The following MYO5B variants were observed in gnomAD, a reference collection of about 807,000 sequenced individuals.
MYO5B encodes the protein myosin VB, also known as unconventional myosin-Vb.
MYO5B carries 143 observed loss-of-function variants against 229.3 expected under a neutral mutation model. The ratio of observed to expected loss-of-function variants is 0.62; its 90% confidence interval spans 0.54 to 0.72. MYO5B has a LOEUF of 0.72. Ranked by LOEUF, MYO5B falls within the 30% of genes least tolerant of loss-of-function variation. The pLI is 0.00. For synonymous variants in MYO5B, 918 were observed against 885.2 expected (o/e 1.04, Z -0.66); for missense variants, 2,321 against 2,331.0 (o/e 1.00, Z 0.09).
At chr18:50,090,922 G>A (rs2031434085) in intron 1 of MYO5B, among the ~76,000 whole-genome samples, 1 of 152,194 alleles carries the variant, frequency 6.6e-6, no homozygotes, top group Admixed American at 6.5e-5. Flanking sequence ...TTTTTCAGCA[G>A]AAACAATTCT....
chr18:50,186,172 G>A (rs6507969), intron 1 of MYO5B, among the ~76,000 whole-genome samples: 76,342 of 152,072 alleles, frequency 0.5, 19,332 homozygotes, highest in Admixed American at 0.59. Context: ...AGTACTGCAC[G>A]CTTCCAGCTC....
At chr18:49,918,308 G>C (rs1167693680) in intron 17 of MYO5B, among the ~76,000 whole-genome samples, 3 of 152,218 alleles carry the variant, frequency 2.0e-5, no homozygotes, top group African/African-American at 7.2e-5. Flanking sequence ...TCCTCATGAG[G>C]GGACTGGCTG....
intron 18 of MYO5B, among the ~76,000 whole-genome samples, chr18:49,908,725 C>G (rs550230099): frequency 6.6e-6 from 1 of 152,258 alleles, no homozygotes; most frequent in South Asian, 2.1e-4. Context: ...TTATGGCCAT[C>G]GTTACATTAG....
At chr18:50,162,137 A>C (rs1276526897) in intron 1 of MYO5B, among the ~76,000 whole-genome samples, 1 of 152,262 alleles carries the variant, frequency 6.6e-6, no homozygotes, top group Non-Finnish European at 1.5e-5. Context: ...CCTGTGCTCC[A>C]ATCTTAAAGA....
chr18:50,097,377 T>C lies in MYO5B; in HGVS notation c.28-41999A>G, dbSNP rs569362642. The stretch of plus-strand genomic sequence containing the variant: ...TTTGATTCCCAGTCCAAGTTCACTA[T>C]GTGGTCCATCAAAAGTCCTCAATAA... On this transcript the variant is annotated intron_variant, in intron 1 of 39. Transcript: ENST00000285039. 364 of 428,986 alleles carry C rather than the reference T, an allele frequency of 8.5e-4. 4 individuals carry two copies. The highest frequency in any genetic ancestry group is 5.9e-3 in the South Asian group (356 of 60,782). 26.6% of individuals were successfully genotyped at this position (428,986 alleles called of 1,614,324 possible).
intron 14 of MYO5B, among the ~76,000 whole-genome samples, chr18:49,952,302 T>A (rs1787584): frequency 0.034 from 5,104 of 152,318 alleles, 273 homozygotes; most frequent in African/African-American, 0.1. Flanking sequence ...TTCAGTATCA[T>A]GTGGTCTGGG....
chr18:49,999,008 G>C (rs1021236031), intron 5 of MYO5B, among the ~76,000 whole-genome samples: 2 of 152,212 alleles, frequency 1.3e-5, no homozygotes, highest in Non-Finnish European at 1.5e-5. Context: ...TTTATGCTAT[G>C]TGTATTTTAT....
chr18:49,942,350 A>C (rs1193063289), intron 14 of MYO5B, among the ~76,000 whole-genome samples: 1 of 146,722 alleles, frequency 6.8e-6, no homozygotes, highest in Non-Finnish European at 1.5e-5. Context: ...GACAAATGGG[A>C]TCTAATTAAA....
chr18:50,111,677 G>A (rs2031867552), intron 1 of MYO5B, among the ~76,000 whole-genome samples: 1 of 152,210 alleles, frequency 6.6e-6, no homozygotes, highest in African/African-American at 2.4e-5. Context: ...ATTATAACCA[G>A]TAGTTATTAA....
At chr18:50,012,678 C>T (rs145041865) in intron 4 of MYO5B, among the ~76,000 whole-genome samples, 1 of 152,240 alleles carries the variant, frequency 6.6e-6, no homozygotes, top group Admixed American at 6.5e-5. Flanking sequence ...AAAGAAAGTG[C>T]TTCCCCTTCC....
chr18:49,996,626 T>C (rs956775346), intron 5 of MYO5B, among the ~76,000 whole-genome samples: 25 of 152,140 alleles, frequency 1.6e-4, no homozygotes, highest in Non-Finnish European at 2.8e-4. Flanking sequence ...GAAATAAAAA[T>C]GGACTGAAAT....
intron 4 of MYO5B, among the ~76,000 whole-genome samples, chr18:50,005,784 CT>C (rs2026094838): frequency 1.3e-5 from 2 of 152,200 alleles, no homozygotes; most frequent in Admixed American, 6.5e-5. Flanking sequence ...TGACCACACA[CT>C]TTCCCACCAC....
intron 1 of MYO5B, among the ~76,000 whole-genome samples, chr18:50,118,294 C>T (rs1470183551): frequency 6.6e-6 from 1 of 152,186 alleles, no homozygotes; most frequent in East Asian, 1.9e-4. Context: ...TGCAGAAAAA[C>T]AAATCTTAGA....
chr18:50,042,598 C>T lies in MYO5B; in HGVS notation c.139-2284G>A, dbSNP rs116240226. 1.2e-3 allele frequency among the ~76,000 whole-genome samples: 182 copies of T among 152,226 alleles called. 2 individuals are homozygous for T. The highest frequency in any genetic ancestry group is 4.2e-3 in the African/African-American group (175 of 41,524). On this transcript the variant is annotated intron_variant, in intron 2 of 39. Coordinates refer to ENST00000285039, the MANE Select transcript of MYO5B (RefSeq NM_001080467.3). ...GGAACAGGGGGAAATGGCGAATGTC[C>T]GAGGGCTGATTTTTATTTCATTCAA...
intron 21 of MYO5B, among the ~76,000 whole-genome samples, chr18:49,896,854 C>T (rs1186622336): frequency 1.3e-5 from 2 of 152,208 alleles, no homozygotes; most frequent in African/African-American, 2.4e-5. Context: ...CAGCTCTATC[C>T]TTGATCAGCT....
At chr18:49,935,110 A>G (rs2025234927) in intron 16 of MYO5B, among the ~76,000 whole-genome samples, 1 of 152,172 alleles carries the variant, frequency 6.6e-6, no homozygotes, top group African/African-American at 2.4e-5. Context: ...AGGATCTGGA[A>G]CAAGGTGAAT....
At chr18:50,161,435 G>T (rs756137537) in intron 1 of MYO5B, among the ~76,000 whole-genome samples, 5 of 151,938 alleles carry the variant, frequency 3.3e-5, no homozygotes, top group Non-Finnish European at 7.4e-5. Flanking sequence ...CTAAGGGAGT[G>T]GGGGGACTAT....
At chr18:50,192,723 A>G (rs2033245156) in intron 1 of MYO5B, among the ~76,000 whole-genome samples, 1 of 152,202 alleles carries the variant, frequency 6.6e-6, no homozygotes, top group African/African-American at 2.4e-5. Flanking sequence ...TTTGTGTCCT[A>G]ATCTTGAACT....
intron 1 of MYO5B, among the ~76,000 whole-genome samples, chr18:50,156,768 T>C (rs1251888327): frequency 6.6e-6 from 1 of 152,238 alleles, no homozygotes; most frequent in East Asian, 1.9e-4. Flanking sequence ...ATCTTACATG[T>C]AACTTTTCCA....
Sources: allele counts gnomAD v4.1 joint callset (sites outside exome capture counted in the v4.1 genomes callset), GRCh38; gene constraint gnomAD v4.1.1; transcripts MANE v1.5; gene names NCBI Gene and HGNC (gene_info 2026-07-23, HGNC 2026-07-21).